Variants in RAB2A observed in about 807,000 individuals in gnomAD.
The protein encoded by RAB2A is ras-related protein Rab-2A.
Under a neutral mutation model 32.5 loss-of-function variants are expected in RAB2A, and 7 were observed. The observed-to-expected ratio is 0.22, with a 90% CI of 0.12 to 0.40. The LOEUF (loss-of-function observed/expected upper bound fraction) is 0.40. Among genes scored for constraint, RAB2A ranks in the 10% least tolerant of loss-of-function variants. The pLI is 1.00. For missense variants in RAB2A, 108 were observed against 260.7 expected (o/e 0.41, Z 4.03); for synonymous variants, 79 against 85.2 (o/e 0.93, Z 0.40).
At position 60,591,625 on chromosome 8, in the gene RAB2A, C is replaced by T. The variant is rs1053274199; in HGVS notation, c.363-233C>T. The T allele has an allele frequency of 1.5e-5, 5 of 333,574 alleles. No homozygotes were observed. The South Asian group carries it at 2.1e-4, about 14-fold the overall frequency. The allele number at this position is 333,574 out of a possible 1,614,324, so 20.7% of individuals were successfully genotyped here. A position where few individuals can be genotyped will look rare whatever the true frequency, so the allele number is the denominator to read the frequency against. ...TCCCTTAAGTTACGGCTAGTTCTAA[C>T]GTTCTAAAGCTCTAACACAGAATCT... On this transcript the variant is annotated intron_variant, in intron 5 of 7. Transcript: ENST00000262646.
intron 5 of RAB2A, among the ~76,000 whole-genome samples, chr8:60,586,289 C>T (rs1803844923): frequency 8.9e-6 from 1 of 112,600 alleles, no homozygotes; most frequent in Non-Finnish European, 1.7e-5. Context: ...AAAGCAAGAC[C>T]TTGTCTCAAA....
chr8:60,587,869 A>G (rs1803875261), intron 5 of RAB2A, among the ~76,000 whole-genome samples: 1 of 152,232 alleles, frequency 6.6e-6, no homozygotes, highest in Non-Finnish European at 1.5e-5. Flanking sequence ...TTATATCTAG[A>G]ATATATGAAG....
chr8:60,553,597 T>A (rs141173337), intron 1 of RAB2A, among the ~76,000 whole-genome samples: 1 of 152,350 alleles, frequency 6.6e-6, no homozygotes, highest in Non-Finnish European at 1.5e-5. Flanking sequence ...CTTTTGTATC[T>A]ATATATTTAA....
At chr8:60,561,327 C>G (rs1468106644) in intron 2 of RAB2A, among the ~76,000 whole-genome samples, 3 of 152,092 alleles carry the variant, frequency 2.0e-5, no homozygotes, top group Non-Finnish European at 4.4e-5. Flanking sequence ...CTAACTTTTA[C>G]AGTTGGTTGT....
chr8:60,546,729 C>T (rs574315378), intron 1 of RAB2A, among the ~76,000 whole-genome samples: 15 of 152,212 alleles, frequency 9.9e-5, no homozygotes, highest in Non-Finnish European at 2.2e-4. Context: ...TTGTTCTTAT[C>T]CTCATTTTGA....
chr8:60,587,505 A>G (rs34523017), intron 5 of RAB2A, among the ~76,000 whole-genome samples: 36,035 of 152,106 alleles, frequency 0.24, 4,321 homozygotes, highest in Middle Eastern at 0.39. Flanking sequence ...AAAAAAATCA[A>G]TAAATTGTTC....
At chr8:60,587,485 A>G (rs1803870064) in intron 5 of RAB2A, among the ~76,000 whole-genome samples, 1 of 150,586 alleles carries the variant, frequency 6.6e-6, no homozygotes, top group South Asian at 2.1e-4. Flanking sequence ...GCATGAACTT[A>G]TAGTTCAGAA....
chr8:60,620,105 G>T (rs1053844435), intron 7 of RAB2A, among the ~76,000 whole-genome samples: 2 of 152,208 alleles, frequency 1.3e-5, no homozygotes, highest in Non-Finnish European at 2.9e-5. Flanking sequence ...TCAAAGTGTT[G>T]TATTTTTAGG....
chr8:60,578,844 T>C (rs931058580), intron 3 of RAB2A, among the ~76,000 whole-genome samples: 2 of 152,230 alleles, frequency 1.3e-5, no homozygotes, highest in African/African-American at 2.4e-5. Flanking sequence ...TTTAAAATTA[T>C]GGTGCAAAGG....
intron 6 of RAB2A, among the ~76,000 whole-genome samples, chr8:60,596,060 C>T (rs1586104944): frequency 1.3e-5 from 2 of 152,238 alleles, no homozygotes; most frequent in South Asian, 4.1e-4. Context: ...ATAGCTAAAA[C>T]AGTGTTACGA....
At chr8:60,562,826 C>A (rs1300119750) in intron 2 of RAB2A, among the ~76,000 whole-genome samples, 2 of 152,000 alleles carry the variant, frequency 1.3e-5, no homozygotes, top group African/African-American at 4.8e-5. Flanking sequence ...TAAAGGGGTG[C>A]TTCTTGCCAC....
intron 1 of RAB2A, among the ~76,000 whole-genome samples, chr8:60,537,802 T>A (rs1807580785): frequency 6.6e-6 from 1 of 152,182 alleles, no homozygotes; most frequent in South Asian, 2.1e-4. Context: ...TGCCTCAGCC[T>A]CCTGAGTAGT....
chr8:60,609,025 A>C (rs1431647824), intron 6 of RAB2A, among the ~76,000 whole-genome samples: 1 of 152,100 alleles, frequency 6.6e-6, no homozygotes, highest in African/African-American at 2.4e-5. Context: ...GGATCTTTCT[A>C]AAAATGAAGG....
chr8:60,609,154 C>G (rs1470727876), intron 6 of RAB2A, among the ~76,000 whole-genome samples: 1 of 152,116 alleles, frequency 6.6e-6, no homozygotes, highest in Non-Finnish European at 1.5e-5. Context: ...CATATGCTCT[C>G]CATAGTAAAC....
intron 1 of RAB2A, among the ~76,000 whole-genome samples, chr8:60,519,303 C>T (rs970035959): frequency 6.6e-6 from 1 of 152,186 alleles, no homozygotes; most frequent in African/African-American, 2.4e-5. Context: ...ATTTTAGCCC[C>T]TATCTACATT....
chr8:60,533,809 A>G (rs1807516071), intron 1 of RAB2A, among the ~76,000 whole-genome samples: 1 of 152,112 alleles, frequency 6.6e-6, no homozygotes, highest in South Asian at 2.1e-4. Flanking sequence ...CATCTCTACT[A>G]AAATACAAAA....
chr8:60,610,907 T>A (rs1168957269), intron 6 of RAB2A, among the ~76,000 whole-genome samples: 1 of 152,232 alleles, frequency 6.6e-6, no homozygotes, highest in Non-Finnish European at 1.5e-5. Context: ...GTACGATGTA[T>A]TAGAATTCCA....
At chr8:60,605,061 A>C (rs187740057) in intron 6 of RAB2A, among the ~76,000 whole-genome samples, 1,957 of 131,964 alleles carry the variant, frequency 0.015, 15 homozygotes, top group Non-Finnish European at 0.02. Flanking sequence ...GGTCAGGGCC[A>C]GGGTCAGGGC....
At position 60,595,684 on chromosome 8, in the gene RAB2A, G is replaced by A. The variant is rs77555352; in HGVS notation, c.474+3715G>A. ...AAGAATCAGCCCTCCAGAAAGATGT[G>A]ACAGTGCTAAACATGCGTGTACCAG... On this transcript the variant is annotated intron_variant, in intron 6 of 7. Coordinates refer to ENST00000262646, the MANE Select transcript of RAB2A (RefSeq NM_002865.3). Among the ~76,000 whole-genome samples the A allele has an allele frequency of 4.0e-3, 606 of 152,256 alleles. 6 individuals carry two copies. The highest frequency in any genetic ancestry group is 0.014 in the African/African-American group (585 of 41,536).
Sources: gnomAD v4.1 joint callset for allele counts (sites outside exome capture counted in the v4.1 genomes callset) on GRCh38, gnomAD v4.1.1 for gene constraint, MANE v1.5 for transcripts, NCBI Gene and HGNC (gene_info 2026-07-23, HGNC 2026-07-21) for gene names.